The following PTPRD variants were observed in gnomAD, a reference collection of about 807,000 sequenced individuals.
PTPRD encodes the protein protein tyrosine phosphatase receptor type D, also known as receptor-type tyrosine-protein phosphatase delta.
Under a neutral mutation model 214.5 loss-of-function variants are expected in PTPRD, and 34 were observed. The ratio of observed to expected loss-of-function variants is 0.16; its 90% CI spans 0.12 to 0.21. The LOEUF (loss-of-function observed/expected upper bound fraction) is 0.21. Ranked by LOEUF, PTPRD falls within the 10% of genes least tolerant of loss-of-function variation. The probability of loss-of-function intolerance (pLI) is 1.00; values close to 1 mark genes in which losing one functional copy is unlikely to be tolerated. For missense variants in PTPRD, 2,545 were observed against 2,398.7 expected, an observed-to-expected ratio of 1.06 and a Z score of -1.27; for synonymous variants, 1,128 against 845.7, an observed-to-expected ratio of 1.33 and a Z score of -5.79.
At chr9:10,512,140 G>A (rs1349096816) in intron 2 of PTPRD, among the ~76,000 whole-genome samples, 1 of 147,958 alleles carries the variant, frequency 6.8e-6, no homozygotes, top group Non-Finnish European at 1.5e-5. Flanking sequence ...GGCTATAGAT[G>A]GCATGGTAAT....
intron 34 of PTPRD, among the ~76,000 whole-genome samples, chr9:8,445,191 G>C (rs1241010292): frequency 2.0e-5 from 3 of 152,072 alleles, no homozygotes; most frequent in African/African-American, 4.8e-5. Context: ...GGTAGTTATT[G>C]GTGATACAAC....
intron 6 of PTPRD, among the ~76,000 whole-genome samples, chr9:9,756,676 T>TACTA (rs1314725484): frequency 6.6e-6 from 1 of 152,174 alleles, no homozygotes; most frequent in Non-Finnish European, 1.5e-5. Context: ...ATTGTGAATG[T>TACTA]ACTAACTGCC....
At chr9:9,378,758 G>A (rs770701438) in intron 9 of PTPRD, among the ~76,000 whole-genome samples, 3 of 152,022 alleles carry the variant, frequency 2.0e-5, no homozygotes, top group Non-Finnish European at 4.4e-5. Context: ...TTTCTCTAAT[G>A]ACATATACTG....
intron 10 of PTPRD, among the ~76,000 whole-genome samples, chr9:9,116,691 G>T (rs377110137): frequency 2.0e-4 from 31 of 151,758 alleles, no homozygotes; most frequent in African/African-American, 5.8e-4. Flanking sequence ...TTTCTTGGGG[G>T]GGAAGGGAAA....
intron 4 of PTPRD, among the ~76,000 whole-genome samples, chr9:10,013,181 G>T (rs1395355361): frequency 6.6e-6 from 1 of 151,748 alleles, no homozygotes; most frequent in Admixed American, 6.6e-5. Flanking sequence ...TTTTGTAAAA[G>T]AATAAAAGCC....
chr9:10,049,407 AAAAGAAAGAAAG>A (rs1165910757), intron 3 of PTPRD, among the ~76,000 whole-genome samples: 10 of 115,736 alleles, frequency 8.6e-5, no homozygotes, highest in South Asian at 5.5e-4. Flanking sequence ...TTAAAAAAAA[AAAAGAAAGAAAG>A]AAAGAAAGAA....
At chr9:8,573,032 A>G (rs1331557926) in intron 14 of PTPRD, among the ~76,000 whole-genome samples, 1 of 152,010 alleles carries the variant, frequency 6.6e-6, no homozygotes, top group African/African-American at 2.4e-5. Flanking sequence ...TATGCTACAT[A>G]TTTTTGTTCA....
intron 12 of PTPRD, chr9:8,713,749 G>C: frequency 1.3e-6 from 2 of 1,513,918 alleles, no homozygotes; most frequent in Non-Finnish European, 1.8e-6. Context: ...GCAGTTCCAC[G>C]ACTGCAAGAT....
intron 10 of PTPRD, among the ~76,000 whole-genome samples, chr9:9,125,750 A>T (rs1024976974): frequency 1.3e-5 from 2 of 152,342 alleles, no homozygotes; most frequent in South Asian, 4.1e-4. Context: ...GAAATAAAAA[A>T]TCCATGCCCT....
intron 11 of PTPRD, among the ~76,000 whole-genome samples, chr9:8,829,225 A>G (rs960284154): frequency 6.6e-6 from 1 of 152,126 alleles, no homozygotes; most frequent in African/African-American, 2.4e-5. Context: ...GATATACAAC[A>G]TTTCCATCAC....
chr9:8,692,657 AG>A (rs1322879863), intron 12 of PTPRD, among the ~76,000 whole-genome samples: 1 of 152,228 alleles, frequency 6.6e-6, no homozygotes, highest in Non-Finnish European at 1.5e-5. Context: ...AAATCAAGTA[AG>A]TCAGGAACGT....
At chr9:10,205,383 T>TTTATG (rs1358445967) in intron 3 of PTPRD, among the ~76,000 whole-genome samples, 1 of 108,834 alleles carries the variant, frequency 9.2e-6, no homozygotes, top group Non-Finnish European at 1.9e-5. Context: ...TTTATTTTAT[T>TTTATG]TTATTTTATT....
chr9:10,262,474 A>G (rs1430852855), intron 3 of PTPRD, among the ~76,000 whole-genome samples: 6 of 152,212 alleles, frequency 3.9e-5, no homozygotes, highest in Non-Finnish European at 8.8e-5. Context: ...TAGTGAAGCC[A>G]TGAATAAAAC....
chr9:8,722,418 TA>T (rs2098510794), intron 12 of PTPRD, among the ~76,000 whole-genome samples: 1 of 152,174 alleles, frequency 6.6e-6, no homozygotes, highest in South Asian at 2.1e-4. Context: ...TATGGTTTAA[TA>T]ATCATTTTAT....
At chr9:9,292,905 C>T (rs1341762394) in intron 9 of PTPRD, among the ~76,000 whole-genome samples, 3 of 151,460 alleles carry the variant, frequency 2.0e-5, no homozygotes, top group African/African-American at 7.2e-5. Flanking sequence ...GAAACAAAAC[C>T]TCAGAAGTAA....
chr9:8,488,776 G>C (rs544178829), intron 27 of PTPRD, among the ~76,000 whole-genome samples: 7 of 152,152 alleles, frequency 4.6e-5, no homozygotes, highest in African/African-American at 1.2e-4. Context: ...TGGTGTCAAG[G>C]ATTAAACACC....
intron 9 of PTPRD, among the ~76,000 whole-genome samples, chr9:9,342,877 A>G (rs1005704006): frequency 6.6e-6 from 1 of 151,866 alleles, no homozygotes; most frequent in Non-Finnish European, 1.5e-5. Context: ...TACCCCGCCA[A>G]CAGGCCCCAG....
intron 3 of PTPRD, among the ~76,000 whole-genome samples, chr9:10,052,910 T>C (rs1484336096): frequency 6.6e-6 from 1 of 152,148 alleles, no homozygotes; most frequent in Non-Finnish European, 1.5e-5. Flanking sequence ...ACATTAAATA[T>C]CAGGAACTCA....
At chr9:9,699,636 T>C (rs1170000544) in intron 7 of PTPRD, among the ~76,000 whole-genome samples, 1 of 152,228 alleles carries the variant, frequency 6.6e-6, no homozygotes, top group Non-Finnish European at 1.5e-5. Context: ...ATGTGTTTTC[T>C]TTTGACCAAC....
Sources: allele counts gnomAD v4.1 joint callset (sites outside exome capture counted in the v4.1 genomes callset), GRCh38; gene constraint gnomAD v4.1.1; transcripts MANE v1.5; gene names NCBI Gene and HGNC (gene_info 2026-07-23, HGNC 2026-07-21).